The following PTPRM variants were observed in gnomAD, a reference collection of about 807,000 sequenced individuals.
PTPRM encodes receptor-type tyrosine-protein phosphatase mu.
Under a neutral mutation model 186.7 loss-of-function variants are expected in PTPRM, and 47 were observed. The observed-to-expected ratio is 0.25, with a 90% CI of 0.20 to 0.32. The LOEUF is 0.32. PTPRM is among the 10% of genes least tolerant of loss of function. The pLI, the probability that PTPRM is intolerant of heterozygous loss-of-function variation, is 1.00. For synonymous variants in PTPRM, 668 were observed against 674.9 expected (o/e 0.99, Z 0.16); for missense variants, 1,494 against 1,865.0 (o/e 0.80, Z 3.66).
chr18:8,051,368 A>G (rs1311035758), intron 7 of PTPRM, among the ~76,000 whole-genome samples: 1 of 152,218 alleles, frequency 6.6e-6, no homozygotes, highest in African/African-American at 2.4e-5. Context: ...CATAACAATA[A>G]TCAACTTCCC....
chr18:8,007,563 A>G (rs749420453), intron 7 of PTPRM, among the ~76,000 whole-genome samples: 5 of 152,224 alleles, frequency 3.3e-5, no homozygotes, highest in African/African-American at 4.8e-5. Flanking sequence ...AACAGTGCCC[A>G]GCAAGCCATC....
At chr18:8,375,874 C>T (rs2095691475) in intron 24 of PTPRM, among the ~76,000 whole-genome samples, 172 bp from the exon 25 acceptor site, 1 of 152,180 alleles carries the variant, frequency 6.6e-6, no homozygotes, top group Admixed American at 6.5e-5. Context: ...GGGTACAATG[C>T]CTTCCACATT....
At chr18:8,232,087 G>C (rs188125593) in intron 14 of PTPRM, among the ~76,000 whole-genome samples, 1 of 152,054 alleles carries the variant, frequency 6.6e-6, no homozygotes, top group Non-Finnish European at 1.5e-5. Context: ...CTCCCTTTCC[G>C]TTAACCTTTG....
intron 3 of PTPRM, among the ~76,000 whole-genome samples, chr18:7,902,834 C>CTT (rs34332223): frequency 0.032 from 4,203 of 130,040 alleles, 130 homozygotes; most frequent in African/African-American, 0.06. Flanking sequence ...TCTTCTCTGC[C>CTT]TTTTTTTTTT....
At chr18:8,022,355 G>A (rs970412193) in intron 7 of PTPRM, among the ~76,000 whole-genome samples, 1 of 152,218 alleles carries the variant, frequency 6.6e-6, no homozygotes, top group Non-Finnish European at 1.5e-5. Flanking sequence ...CCCCACATGA[G>A]TAAGAGCACA....
chr18:7,639,742 G>A (rs1468185520), intron 1 of PTPRM, among the ~76,000 whole-genome samples: 1 of 152,156 alleles, frequency 6.6e-6, no homozygotes, highest in East Asian at 1.9e-4. Flanking sequence ...TTTATATGGT[G>A]AACAAGCAGA....
intron 28 of PTPRM, 151 bp from the exon 29 acceptor site, chr18:8,380,145 T>G (rs1481069610): frequency 1.9e-5 from 14 of 741,288 alleles, no homozygotes. Context: ...ATATTTAGTC[T>G]ATGTTGGTGC....
chr18:8,307,211 G>A (rs1348910721), intron 20 of PTPRM, among the ~76,000 whole-genome samples: 1 of 152,160 alleles, frequency 6.6e-6, no homozygotes, highest in Non-Finnish European at 1.5e-5. Flanking sequence ...GTGAGTGATG[G>A]TGATACTTAC....
intron 32 of PTPRM, among the ~76,000 whole-genome samples, chr18:8,400,108 G>A (rs531786278): frequency 6.6e-6 from 1 of 152,196 alleles, no homozygotes; most frequent in South Asian, 2.1e-4. Context: ...CACTGTGTGT[G>A]TGAGCTTCAT....
rs1003279880 is a variant in PTPRM, at chr18:8,384,591, G to A, written c.3949G>A (p.Val1317Ile). The A allele has an allele frequency of 2.5e-6, 4 of 1,614,190 alleles. No individual in the cohort carries two copies. In the South Asian group the frequency reaches 3.3e-5, roughly 13 times the overall value. Reference protein sequence around the residue: ...LCPQYWPENGVHRHGPIQVEF... With the variant: ...LCPQYWPENGIHRHGPIQVEF... ...TCCACAGTACTGGCCAGAAAACGGA[G>A]TACACAGACACGGCCCCATCCAGGT... The change falls in exon 30 of 33, where the codon GTA becomes ATA. Residue 1317 changes from valine (V) to isoleucine (I), a missense_variant. Around this residue, in one of 3 missense-constraint regions of PTPRM, gnomAD observed 1,107 missense variants for 1,350.2 expected, o/e 0.82. Coordinates refer to ENST00000580170, the MANE Select transcript of PTPRM (RefSeq NM_001105244.2).
chr18:8,066,845 T>TA (rs1274585460), intron 7 of PTPRM, among the ~76,000 whole-genome samples: 1 of 152,192 alleles, frequency 6.6e-6, no homozygotes, highest in African/African-American at 2.4e-5. Context: ...GTGTTAGGCT[T>TA]AGCTGTAGTA....
intron 14 of PTPRM, among the ~76,000 whole-genome samples, chr18:8,195,334 C>T (rs890745385): frequency 3.3e-5 from 5 of 151,790 alleles, no homozygotes; most frequent in African/African-American, 1.2e-4. Context: ...CAAGGGTTAG[C>T]AACTGTTAGG....
At chr18:8,026,809 G>A (rs1276816092) in intron 7 of PTPRM, among the ~76,000 whole-genome samples, 4 of 151,990 alleles carry the variant, frequency 2.6e-5, no homozygotes, top group Admixed American at 2.6e-4. Context: ...AGTGAGCCAA[G>A]ATTGTGCCAC....
In PTPRM at chr18:7,984,648, T is replaced by G. The variant is rs990659906; in HGVS notation, c.1132+29234T>G. Among the ~76,000 whole-genome samples the G allele has an allele frequency of 1.4e-3, 192 of 135,398 alleles. 1 individual carries two copies. Among genetic ancestry groups the G allele is most frequent in the African/African-American group, 4.6e-3 (170 of 36,776 alleles). The allele number at this position is 135,398 out of a possible 152,430, so 88.8% of individuals were successfully genotyped here. On this transcript the variant is annotated intron_variant, in intron 7 of 32. Coordinates refer to ENST00000580170, the MANE Select transcript of PTPRM (RefSeq NM_001105244.2). The stretch of plus-strand genomic sequence containing the variant: ...ACACACAAACCCCCATATATGTATA[T>G]GTGGGGTAAATATATATATACACAC...
intron 7 of PTPRM, among the ~76,000 whole-genome samples, chr18:7,956,521 G>A (rs1472118082): frequency 6.6e-6 from 1 of 152,198 alleles, no homozygotes; most frequent in Non-Finnish European, 1.5e-5. Flanking sequence ...TACAGGGACT[G>A]GCCTGGGTTA....
rs557894758 is a variant in PTPRM at position 7,618,768 on chromosome 18, C to G, written c.73+50877C>G. On this transcript the variant is annotated intron_variant, in intron 1 of 32. Transcript: ENST00000580170. ...GGTTCCTGGCTAACCAGCACCATAA[C>G]GCTTGTTAAGCTTTTTCTATTCTGC... Among the ~76,000 whole-genome samples the G allele has an allele frequency of 9.8e-4, 149 of 152,262 alleles. 1 individual carries two copies. Among genetic ancestry groups the G allele is most frequent in the South Asian group, 2.1e-3 (10 of 4,818 alleles).
intron 1 of PTPRM, among the ~76,000 whole-genome samples, chr18:7,724,893 G>A (rs1281940722): frequency 1.3e-5 from 2 of 152,150 alleles, no homozygotes; most frequent in East Asian, 1.9e-4. Flanking sequence ...GTATTACAAT[G>A]TTCAGGCTCT....
intron 11 of PTPRM, among the ~76,000 whole-genome samples, chr18:8,098,536 G>A (rs2091122991): frequency 6.6e-6 from 1 of 152,022 alleles, no homozygotes; most frequent in African/African-American, 2.4e-5. Flanking sequence ...CTAAATAAAA[G>A]TTAAATATCA....
At chr18:8,342,640 G>T (rs16953319) in intron 22 of PTPRM, among the ~76,000 whole-genome samples, 4 of 151,998 alleles carry the variant, frequency 2.6e-5, no homozygotes, top group African/African-American at 9.7e-5. Context: ...AGATTTCTAC[G>T]CTTACATTTA....
Sources: allele counts gnomAD v4.1 joint callset (sites outside exome capture counted in the v4.1 genomes callset), GRCh38; gene constraint gnomAD v4.1.1; regional missense constraint gnomAD v4.1.1; transcripts MANE v1.5; gene names NCBI Gene and HGNC (gene_info 2026-07-23, HGNC 2026-07-21).